The following CYB5R4 variants were observed in gnomAD, a reference collection of about 807,000 sequenced individuals.
CYB5R4 encodes the protein N-terminal cytochrome b5 and cytochrome b5 oxidoreductase domain-containing protein.
In CYB5R4, 55 loss-of-function variants were observed where a neutral mutation model predicts 70.2. The observed-to-expected ratio is 0.78, with a 90% CI of 0.63 to 0.98. CYB5R4 has a LOEUF of 0.98. CYB5R4 is among the 50% of genes least tolerant of loss of function. CYB5R4 has a pLI of 0.00. For synonymous variants in CYB5R4, 197 were observed against 199.5 expected (o/e 0.99, Z 0.11); for missense variants, 562 against 612.6 (o/e 0.92, Z 0.87).
intron 15 of CYB5R4, among the ~76,000 whole-genome samples, chr6:83,959,543 A>C (rs941142047): frequency 2.6e-5 from 4 of 152,214 alleles, no homozygotes; most frequent in Non-Finnish European, 5.9e-5. Flanking sequence ...TCAGCCAATC[A>C]TAATGAGTAA....
intron 7 of CYB5R4, among the ~76,000 whole-genome samples, chr6:83,920,072 C>G (rs1432211243): frequency 6.6e-6 from 1 of 152,056 alleles, no homozygotes; most frequent in Non-Finnish European, 1.5e-5. Context: ...TCTAATAGGT[C>G]AGATACGTAG....
chr6:83,875,648 G>A (rs2099458411), intron 2 of CYB5R4, among the ~76,000 whole-genome samples: 1 of 152,152 alleles, frequency 6.6e-6, no homozygotes, highest in Non-Finnish European at 1.5e-5. Flanking sequence ...GACAGAGTAG[G>A]GTGTTCCTGA....
intron 2 of CYB5R4, among the ~76,000 whole-genome samples, chr6:83,870,119 T>A (rs571750446): frequency 6.6e-6 from 1 of 152,190 alleles, no homozygotes; most frequent in Non-Finnish European, 1.5e-5. Context: ...GTTTATGTAT[T>A]GATTGGTTGA....
intron 3 of CYB5R4, among the ~76,000 whole-genome samples, chr6:83,897,100 C>A (rs920589573): frequency 2.6e-5 from 4 of 151,418 alleles, no homozygotes; most frequent in Non-Finnish European, 5.9e-5. Flanking sequence ...GTGATGTTCC[C>A]CTTCCTGTGT....
chr6:83,898,636 G>T (rs62419665), intron 3 of CYB5R4, among the ~76,000 whole-genome samples: 98 of 151,906 alleles, frequency 6.5e-4, no homozygotes, highest in Middle Eastern at 3.4e-3. Context: ...CTCTTTTATT[G>T]CGTTGAGCAG....
At chr6:83,949,962 G>A (rs1442049873) in intron 14 of CYB5R4, among the ~76,000 whole-genome samples, 5 of 152,052 alleles carry the variant, frequency 3.3e-5, no homozygotes, top group Admixed American at 6.6e-5. Flanking sequence ...TCATTCATTC[G>A]TAAAATATGT....
At chr6:83,908,753 A>G (rs574663539) in intron 3 of CYB5R4, among the ~76,000 whole-genome samples, 1 of 152,222 alleles carries the variant, frequency 6.6e-6, no homozygotes, top group African/African-American at 2.4e-5. Flanking sequence ...TTATCATGAA[A>G]CAAATTGAGA....
At chr6:83,957,540 G>A (rs150658571) in intron 15 of CYB5R4, among the ~76,000 whole-genome samples, 10 of 143,246 alleles carry the variant, frequency 7.0e-5, no homozygotes, top group Admixed American at 1.5e-4. Context: ...AGGATCGCTC[G>A]AATCTAGGAG....
chr6:83,899,964 C>T (rs1176867518), intron 3 of CYB5R4, among the ~76,000 whole-genome samples: 1 of 152,126 alleles, frequency 6.6e-6, no homozygotes, highest in Non-Finnish European at 1.5e-5. Context: ...GTCTCTATCT[C>T]CTTCAGTTCT....
At chr6:83,952,631 C>A (rs2099471728) in intron 14 of CYB5R4, among the ~76,000 whole-genome samples, 1 of 152,006 alleles carries the variant, frequency 6.6e-6, no homozygotes, top group Non-Finnish European at 1.5e-5. Context: ...TAAAAATAAA[C>A]CCATTAAACC....
intron 2 of CYB5R4, among the ~76,000 whole-genome samples, chr6:83,882,954 A>G (rs1236488135): frequency 6.6e-6 from 1 of 152,210 alleles, no homozygotes; most frequent in African/African-American, 2.4e-5. Flanking sequence ...AGCCTGGGTG[A>G]CAGAGTGAGA....
chr6:83,882,824 A>G (rs2099459668), intron 2 of CYB5R4, among the ~76,000 whole-genome samples: 1 of 152,074 alleles, frequency 6.6e-6, no homozygotes, highest in South Asian at 2.1e-4. Flanking sequence ...TGTCTCTACT[A>G]AAAATACAAA....
chr6:83,872,095 T>C (rs889354319), intron 2 of CYB5R4, among the ~76,000 whole-genome samples: 13 of 152,248 alleles, frequency 8.5e-5, no homozygotes, highest in African/African-American at 2.9e-4. Flanking sequence ...TAGTCTGCAG[T>C]AACTCTCATT....
chr6:83,875,948 A>G (rs953805866), intron 2 of CYB5R4, among the ~76,000 whole-genome samples: 4 of 152,186 alleles, frequency 2.6e-5, no homozygotes, highest in Non-Finnish European at 5.9e-5. Context: ...TTAGCCTGGC[A>G]GGTCCCAGCC....
At chr6:83,942,786 G>A (rs6907945) in intron 14 of CYB5R4, among the ~76,000 whole-genome samples, 6,383 of 152,036 alleles carry the variant, frequency 0.042, 459 homozygotes, top group African/African-American at 0.15. Flanking sequence ...GGGGAGGGGC[G>A]TCCACCATTA....
In CYB5R4 at chr6:83,945,390, C is replaced by T. The variant is rs554973810; in HGVS notation, c.1346+4789C>T. Among the ~76,000 whole-genome samples the T allele has an allele frequency of 2.8e-4, 43 of 152,234 alleles. No individual in the cohort carries two copies. The South Asian group carries it at 8.7e-3, about 31-fold the overall frequency. On this transcript the variant is annotated intron_variant, in intron 14 of 15. Transcript: ENST00000369681. ...GAAACCAATGAGAACAAAGACACAA[C>T]GTACCAGAATCTCTGGGACACAGCT...
At chr6:83,911,552 A>G (rs759682851) in intron 4 of CYB5R4, among the ~76,000 whole-genome samples, 9 of 152,318 alleles carry the variant, frequency 5.9e-5, no homozygotes, top group Non-Finnish European at 1.2e-4. Context: ...AAAACATTCA[A>G]TTAATGCTCA....
At chr6:83,958,057 G>A (rs2129146440) in intron 15 of CYB5R4, among the ~76,000 whole-genome samples, 1 of 152,220 alleles carries the variant, frequency 6.6e-6, no homozygotes, top group Non-Finnish European at 1.5e-5. Context: ...CTGCTACATA[G>A]ATTATATTAA....
intron 15 of CYB5R4, among the ~76,000 whole-genome samples, chr6:83,956,379 G>T (rs753226650): frequency 6.6e-6 from 1 of 152,130 alleles, no homozygotes; most frequent in African/African-American, 2.4e-5. Flanking sequence ...ATTGGGGGGG[G>T]CACGGGTTTC....
Sources: allele counts gnomAD v4.1 joint callset (sites outside exome capture counted in the v4.1 genomes callset), GRCh38; gene constraint gnomAD v4.1.1; transcripts MANE v1.5; gene names NCBI Gene and HGNC (gene_info 2026-07-23, HGNC 2026-07-21).